The following MPPE1 variants were observed in gnomAD, a reference collection of about 807,000 sequenced individuals.
The protein encoded by MPPE1 is metallo phosphoesterase.
Under a neutral mutation model 43.8 loss-of-function variants are expected in MPPE1, and 28 were observed. That is an observed-to-expected ratio of 0.64 (90% CI 0.47 to 0.88). The LOEUF (loss-of-function observed/expected upper bound fraction) is 0.88, where lower values mean the gene tolerates loss of function less well. Among genes scored for constraint, MPPE1 ranks in the 40% least tolerant of loss-of-function variants. The pLI is 0.00. For synonymous variants in MPPE1, 159 were observed against 188.5 expected, an observed-to-expected ratio of 0.84 and a Z score of 1.28; for missense variants, 428 against 492.2, an observed-to-expected ratio of 0.87 and a Z score of 1.23.
rs113369259 is a variant in MPPE1, at chr18:11,887,163, T to C, written c.570-138A>G. 1,303 of 596,784 alleles carry C rather than the reference T, an allele frequency of 2.2e-3. 5 individuals are homozygous for C. Among genetic ancestry groups the C allele is most frequent in the Admixed American group, 8.6e-3 (261 of 30,390 alleles). 37.0% of individuals were successfully genotyped at this position (596,784 alleles called of 1,614,324 possible). A position where few individuals can be genotyped will look rare whatever the true frequency, so the allele number is the denominator to read the frequency against. ...CAGCTTTCAATCCCACCCAGAATAA[T>C]TTGGTGTATTTTTAAATATGAGTCA... On this transcript the variant is annotated intron_variant, in intron 6 of 10. Transcript: ENST00000588072.
At chr18:11,899,704 G>GT (rs2038945807) in intron 2 of MPPE1, among the ~76,000 whole-genome samples, 1 of 152,120 alleles carries the variant, frequency 6.6e-6, no homozygotes, top group Admixed American at 6.6e-5. Context: ...GTCTTACGGG[G>GT]TGGGAGCTTT....
At chr18:11,889,539 T>G in intron 4 of MPPE1, 49 bp from the exon 5 acceptor site, 1 of 1,410,314 alleles carries the variant, frequency 7.1e-7, no homozygotes, top group Non-Finnish European at 9.7e-7. Flanking sequence ...ATCTCTGCCC[T>G]GTGGCTAAAA....
At chr18:11,893,165 C>T (rs1348685282) in intron 4 of MPPE1, 8 of 300,400 alleles carry the variant, frequency 2.7e-5, no homozygotes. Context: ...CCGTTTCTCC[C>T]TTTCCCAAGA....
chr18:11,902,845 C>T (rs971704057), intron 2 of MPPE1: 1 of 152,270 alleles, frequency 6.6e-6, no homozygotes, highest in African/African-American at 2.4e-5. Flanking sequence ...AAACTGCAGT[C>T]CTCCAGCTTC....
chr18:11,886,933 A>G lies in MPPE1; in HGVS notation c.662T>C (p.Leu221Pro), dbSNP rs2037364497. 1 of 1,613,238 alleles carries G rather than the reference A, an allele frequency of 6.2e-7. No homozygotes were observed. The highest frequency in any genetic ancestry group is 1.3e-5 in the African/African-American group (1 of 74,942). Residue 221 changes from leucine to proline, a missense_variant, in exon 7 of 11, where the codon CTG becomes CCG. Coordinates refer to ENST00000588072, the MANE Select transcript of MPPE1 (RefSeq NM_023075.6). The surrounding 1 kb of genome is among the most constrained non-coding windows in gnomAD (Gnocchi z 4.1). ...EAELIEVSHR[L>P]NCSREARGSS... The stretch of plus-strand genomic sequence containing the variant: ...CTCTCCTACCTCTCGGGAGCAGTTC[A>G]GTCTGTGAGAAACTTCAATGAGCTC...
intron 3 of MPPE1, 61 bp downstream of exon 3, chr18:11,896,923 G>A (rs965047533): frequency 6.9e-7 from 1 of 1,458,490 alleles, no homozygotes; most frequent in Non-Finnish European, 9.4e-7. Context: ...TTGCCTATGA[G>A]GAGAGGGCTA....
At chr18:11,900,386 G>A (rs917159482) in intron 2 of MPPE1, among the ~76,000 whole-genome samples, 2 of 151,888 alleles carry the variant, frequency 1.3e-5, no homozygotes, top group Non-Finnish European at 1.5e-5. Flanking sequence ...GGCGTCTGTA[G>A]TCCCATCTAC....
rs1388838401 is a variant in MPPE1 at position 11,893,588 on chromosome 18, T to C, written c.282-12A>G. The C allele has an allele frequency of 1.2e-6, 2 of 1,607,538 alleles. No individual in the cohort carries two copies. The highest frequency in any genetic ancestry group is 1.7e-5 in the Admixed American group (1 of 59,868). On this transcript the variant is annotated splice_polypyrimidine_tract_variant and intron_variant, in intron 3 of 10. Transcript: ENST00000588072. ...CCATCTGCCATTCCCTTGATGCCAA[T>C]AGGAAAAAGTAAGGCATCAGTCTCT...
intron 3 of MPPE1, among the ~76,000 whole-genome samples, chr18:11,895,514 C>T (rs567960939): frequency 8.6e-5 from 13 of 151,248 alleles, no homozygotes; most frequent in Non-Finnish European, 1.6e-4. Context: ...TCTCAAAATA[C>T]ATTTCTCCGT....
intron 10 of MPPE1, chr18:11,884,997 G>T: frequency 3.8e-6 from 5 of 1,302,120 alleles, no homozygotes; most frequent in Non-Finnish European, 5.0e-6. Flanking sequence ...GAACAAGGAG[G>T]GAAAGGTGTC....
At chr18:11,897,894 G>A (rs996830532) in intron 2 of MPPE1, among the ~76,000 whole-genome samples, 5 of 152,198 alleles carry the variant, frequency 3.3e-5, no homozygotes, top group African/African-American at 4.8e-5. Context: ...ATTGGACCCA[G>A]AGGCCAGGAT....
chr18:11,890,249 G>T (rs1378513672), intron 4 of MPPE1, among the ~76,000 whole-genome samples: 1 of 151,684 alleles, frequency 6.6e-6, no homozygotes, highest in Admixed American at 6.6e-5. Context: ...GCCATAATAT[G>T]TCTTTTTTAA....
At chr18:11,907,893 G>A (rs1383299471) in intron 1 of MPPE1, 2 of 151,900 alleles carry the variant, frequency 1.3e-5, no homozygotes, top group African/African-American at 4.8e-5. Flanking sequence ...AATATGCACT[G>A]ACCTGTAGTT....
At chr18:11,893,946 T>C (rs1313963073) in intron 3 of MPPE1, among the ~76,000 whole-genome samples, 3 of 152,218 alleles carry the variant, frequency 2.0e-5, no homozygotes, top group Non-Finnish European at 4.4e-5. Context: ...CAGAGGAGAT[T>C]ATTGTATCTA....
intron 2 of MPPE1, among the ~76,000 whole-genome samples, chr18:11,904,346 G>C (rs1053418809): frequency 6.7e-6 from 1 of 149,628 alleles, no homozygotes; most frequent in Admixed American, 6.7e-5. Flanking sequence ...ACAAGGTCTC[G>C]CCCTGTCACC....
chr18:11,897,404 T>C, intron 2 of MPPE1, 48 bp from the exon 3 acceptor site: 1 of 717,622 alleles, frequency 1.4e-6, no homozygotes, highest in East Asian at 2.6e-5. Context: ...ATAATACAGG[T>C]ATCACGACCT....
At chr18:11,901,427 C>T (rs1329363892) in intron 2 of MPPE1, among the ~76,000 whole-genome samples, 2 of 151,826 alleles carry the variant, frequency 1.3e-5, no homozygotes, top group Non-Finnish European at 2.9e-5. Flanking sequence ...GATGGAGTTT[C>T]ACCACATTGG....
chr18:11,887,113 C>G, intron 6 of MPPE1, 88 bp from the exon 7 acceptor site: 3 of 940,500 alleles, frequency 3.2e-6, no homozygotes, highest in Non-Finnish European at 4.8e-6. Flanking sequence ...AGCTAAGCAT[C>G]CAGTGCAAAG....
intron 4 of MPPE1, chr18:11,893,251 A>G (rs1168908693): frequency 5.8e-6 from 3 of 517,502 alleles, no homozygotes; most frequent in Non-Finnish European, 1.0e-5. Flanking sequence ...AAATGTTTAC[A>G]ATTAGCCAAC....
Sources: gnomAD v4.1 joint callset for allele counts (sites outside exome capture counted in the v4.1 genomes callset) on GRCh38, gnomAD v4.1.1 for gene constraint, Gnocchi (gnomAD v3.1) non-coding constraint, MANE v1.5 for transcripts, NCBI Gene and HGNC (gene_info 2026-07-23, HGNC 2026-07-21) for gene names.